Variants in PTPRM observed in about 807,000 individuals in gnomAD.
PTPRM encodes the protein protein tyrosine phosphatase receptor type M.
Under a neutral mutation model 186.7 loss-of-function variants are expected in PTPRM, and 47 were observed. The observed-to-expected ratio is 0.25, with a 90% confidence interval of 0.20 to 0.32. PTPRM has a LOEUF of 0.32. Ranked by LOEUF, PTPRM falls within the 10% of genes least tolerant of loss-of-function variation. The pLI, the probability that PTPRM is intolerant of heterozygous loss-of-function variation, is 1.00. For missense variants in PTPRM, 1,494 were observed against 1,865.0 expected (o/e 0.80, Z 3.66); for synonymous variants, 668 against 674.9 (o/e 0.99, Z 0.16).
chr18:8,067,399 T>A (rs761071653), intron 7 of PTPRM, among the ~76,000 whole-genome samples: 3 of 152,212 alleles, frequency 2.0e-5, no homozygotes, highest in Non-Finnish European at 4.4e-5. Context: ...TTATGACATT[T>A]TCCCAACAGT....
At position 7,981,718 on chromosome 18, in the gene PTPRM, A is replaced by C. The variant is rs1289462827; in HGVS notation, c.1132+26304A>C. Among the ~76,000 whole-genome samples the C allele has an allele frequency of 3.3e-5, 5 of 152,312 alleles. No homozygotes were observed. In the East Asian group the frequency reaches 9.6e-4, roughly 29 times the overall value. ...TTTGGTCATTCTGTGAACATCATAG[A>C]GTGTACTTACCCAATCAGAGGTAGC... On this transcript the variant is annotated intron_variant, in intron 7 of 32. Transcript: ENST00000580170.
chr18:8,375,468 C>G (rs764831067), intron 24 of PTPRM, among the ~76,000 whole-genome samples: 1 of 152,166 alleles, frequency 6.6e-6, no homozygotes, highest in Non-Finnish European at 1.5e-5. Flanking sequence ...ACAAACAGAG[C>G]TGTAAATGCA....
chr18:8,344,476 C>G (rs187812787), intron 23 of PTPRM, among the ~76,000 whole-genome samples: 1 of 118,342 alleles, frequency 8.5e-6, no homozygotes, highest in African/African-American at 3.8e-5. Flanking sequence ...ATATATATAT[C>G]TAGCAAAAAT....
chr18:8,378,942 G>A (rs1264264315), intron 27 of PTPRM, among the ~76,000 whole-genome samples: 2 of 152,078 alleles, frequency 1.3e-5, no homozygotes, highest in Non-Finnish European at 2.9e-5. Flanking sequence ...ACCCACAGTG[G>A]CCCTTACGCC....
chr18:7,887,171 C>T (rs1408466433), intron 2 of PTPRM, among the ~76,000 whole-genome samples: 2 of 151,988 alleles, frequency 1.3e-5, no homozygotes, highest in African/African-American at 2.4e-5. Context: ...GTGCTAAAGC[C>T]GACCTATGAT....
chr18:8,307,811 A>AT lies in PTPRM; in HGVS notation c.2843-6970_2843-6969insT, dbSNP rs201265207. Among the ~76,000 whole-genome samples the AT allele has an allele frequency of 6.4e-3, 974 of 151,690 alleles. 6 individuals are homozygous for AT. Among genetic ancestry groups the AT allele is most frequent in the African/African-American group, 0.021 (843 of 41,106 alleles). On this transcript the variant is annotated intron_variant, in intron 20 of 32. Coordinates refer to ENST00000580170, the MANE Select transcript of PTPRM (RefSeq NM_001105244.2). Reference sequence around the variant, plus strand: ...AAGAGTGAAACTCTGTCTCAAAAAAAAAAAATAAAAATAAAAAAAAGAAAG... The same window carrying AT: ...AAGAGTGAAACTCTGTCTCAAAAAAATAAAAATAAAAATAAAAAAAAGAAAG...
chr18:8,291,760 A>C (rs2095045387), intron 19 of PTPRM, among the ~76,000 whole-genome samples: 1 of 152,116 alleles, frequency 6.6e-6, no homozygotes, highest in Non-Finnish European at 1.5e-5. Context: ...ATAATTGCAT[A>C]GTAAAGTTAC....
intron 2 of PTPRM, among the ~76,000 whole-genome samples, chr18:7,820,286 T>A (rs1201909153): frequency 6.6e-6 from 1 of 152,172 alleles, no homozygotes; most frequent in Non-Finnish European, 1.5e-5. Flanking sequence ...AAGGAGGGCC[T>A]GGCCGGGGAT....
At chr18:8,027,728 A>C (rs1372179643) in intron 7 of PTPRM, among the ~76,000 whole-genome samples, 1 of 152,240 alleles carries the variant, frequency 6.6e-6, no homozygotes, top group Non-Finnish European at 1.5e-5. Flanking sequence ...TAGATAAAGA[A>C]GATCCAAGTG....
At chr18:7,701,506 A>G (rs2039966438) in intron 1 of PTPRM, among the ~76,000 whole-genome samples, 1 of 151,814 alleles carries the variant, frequency 6.6e-6, no homozygotes, top group African/African-American at 2.4e-5. Context: ...AGGCTGAGGC[A>G]GGAGAATTGC....
At chr18:8,053,070 CGTTT>C (rs2087627506) in intron 7 of PTPRM, among the ~76,000 whole-genome samples, 1 of 152,100 alleles carries the variant, frequency 6.6e-6, no homozygotes, top group African/African-American at 2.4e-5. Flanking sequence ...CAATATCTCT[CGTTT>C]GTTTAGTGGT....
At chr18:7,923,390 G>T (rs1392991190) in intron 4 of PTPRM, among the ~76,000 whole-genome samples, 5 of 152,182 alleles carry the variant, frequency 3.3e-5, no homozygotes, top group Non-Finnish European at 7.3e-5. Flanking sequence ...GGCGGCGGGG[G>T]TTGGTCAACA....
chr18:8,131,911 C>T (rs918535211), intron 13 of PTPRM, among the ~76,000 whole-genome samples: 1 of 152,306 alleles, frequency 6.6e-6, no homozygotes, highest in East Asian at 1.9e-4. Flanking sequence ...CTTAGTATAT[C>T]GATCAGTATC....
intron 19 of PTPRM, among the ~76,000 whole-genome samples, chr18:8,270,672 C>T (rs998482390): frequency 1.3e-5 from 2 of 151,934 alleles, no homozygotes; most frequent in Admixed American, 1.3e-4. Flanking sequence ...TATTATTCAG[C>T]CACAAAAAAA....
intron 1 of PTPRM, among the ~76,000 whole-genome samples, chr18:7,725,239 G>T (rs1198484719): frequency 6.6e-6 from 1 of 152,150 alleles, no homozygotes; most frequent in Non-Finnish European, 1.5e-5. Flanking sequence ...GGGTCCTTTT[G>T]TAAGGCAACT....
At chr18:8,343,709 GT>G (rs2095487892) in intron 23 of PTPRM, among the ~76,000 whole-genome samples, 189 bp downstream of exon 23, 1 of 152,182 alleles carries the variant, frequency 6.6e-6, no homozygotes, top group Non-Finnish European at 1.5e-5. Context: ...GCTTTCATTT[GT>G]TGCGATAGCA....
intron 14 of PTPRM, among the ~76,000 whole-genome samples, chr18:8,240,117 C>T (rs565453449): frequency 5.1e-4 from 77 of 152,144 alleles, no homozygotes; most frequent in African/African-American, 1.5e-3. Context: ...AGGTCTGAAA[C>T]GGGAGGCTCA....
intron 1 of PTPRM, among the ~76,000 whole-genome samples, chr18:7,760,293 G>GA (rs961602784): frequency 6.6e-6 from 1 of 152,054 alleles, no homozygotes; most frequent in African/African-American, 2.4e-5. Flanking sequence ...GGGAAGCAAA[G>GA]AAAAAAATAA....
chr18:8,253,489 A>G (rs751165708), intron 19 of PTPRM, 75 bp downstream of exon 19: 3 of 1,277,572 alleles, frequency 2.3e-6, no homozygotes, highest in Admixed American at 3.9e-5. Context: ...TCCCAACTCA[A>G]TCAGAAAGCC....
Sources: allele counts gnomAD v4.1 joint callset (sites outside exome capture counted in the v4.1 genomes callset), GRCh38; gene constraint gnomAD v4.1.1; transcripts MANE v1.5; gene names NCBI Gene and HGNC (gene_info 2026-07-23, HGNC 2026-07-21).